DTD1: variants seen among roughly 807,000 people sequenced by gnomAD.
The protein encoded by DTD1 is D-tyrosyl-tRNA deacylase 1 homolog.
Under a neutral mutation model 25.6 loss-of-function variants are expected in DTD1, and 13 were observed. That is an observed-to-expected ratio of 0.51 (90% CI 0.33 to 0.81). DTD1 has a LOEUF of 0.81. Among genes scored for constraint, DTD1 ranks in the 30% least tolerant of loss-of-function variants. The probability of loss-of-function intolerance (pLI) is 0.02; values close to 1 mark genes in which losing one functional copy is unlikely to be tolerated. For synonymous variants in DTD1, 110 were observed against 103.6 expected (o/e 1.06, Z -0.37); for missense variants, 193 against 266.4 (o/e 0.72, Z 1.92).
In DTD1 at chr20:18,596,241, G is replaced by C. The variant is rs2122244830; in HGVS notation, c.370G>C (p.Asp124His). 1 of 1,612,996 alleles carries C rather than the reference G, an allele frequency of 6.2e-7. No homozygotes were observed. Among genetic ancestry groups the C allele is most frequent in the Non-Finnish European group, 8.5e-7 (1 of 1,179,246 alleles). The change falls in exon 3 of 6, where the codon GAT (aspartate) becomes CAT (histidine). Residue 124 changes from aspartate (D) to histidine (H), a missense_variant and splice_region_variant. Physicochemically the swap from Asp to His is moderately conservative, Grantham distance 81. Transcript: ENST00000377452. ...AACATACAGGCCGGAGCTTATCAAA[G>C]GTAAGCAGGAGAGCCACATCCAGGA... Reference protein sequence around the residue: ...RKTYRPELIKDGKFGAYMQVH... With the variant: ...RKTYRPELIKHGKFGAYMQVH...
intron 4 of DTD1, among the ~76,000 whole-genome samples, chr20:18,676,270 G>A (rs943984060): frequency 4.6e-5 from 7 of 152,102 alleles, no homozygotes; most frequent in Non-Finnish European, 1.5e-5. Context: ...CCCTTAACTG[G>A]CAGAGTTTGC....
intron 5 of DTD1, among the ~76,000 whole-genome samples, chr20:18,758,344 G>A (rs1266000666): frequency 5.3e-5 from 8 of 152,096 alleles, no homozygotes; most frequent in Non-Finnish European, 8.8e-5. Flanking sequence ...TGCTTTTCTA[G>A]TTCTTTTAAT....
chr20:18,683,554 G>A (rs2061005317), intron 4 of DTD1, among the ~76,000 whole-genome samples: 1 of 152,192 alleles, frequency 6.6e-6, no homozygotes, highest in Non-Finnish European at 1.5e-5. Flanking sequence ...CTGGCTGGTA[G>A]TCATGAGCTG....
intron 4 of DTD1, among the ~76,000 whole-genome samples, chr20:18,644,818 G>T (rs1413139625): frequency 6.6e-6 from 1 of 152,152 alleles, no homozygotes; most frequent in Non-Finnish European, 1.5e-5. Flanking sequence ...AGGAGGAAAG[G>T]AATCAGGTCA....
At chr20:18,654,547 G>A (rs2060885344) in intron 4 of DTD1, among the ~76,000 whole-genome samples, 1 of 152,196 alleles carries the variant, frequency 6.6e-6, no homozygotes, top group Non-Finnish European at 1.5e-5. Context: ...GCTCAGTTCA[G>A]TGTAGTTGCA....
In DTD1 at chr20:18,740,309, G is replaced by GT. The variant is rs1223474867; in HGVS notation, c.478-3781dup. ...TTGTGACTGTTGATATTCACATTTT[G>GT]TTTTTTTTTTGTTTTGTTTTGTTTT... On this transcript the variant is annotated intron_variant, in intron 4 of 5. Transcript: ENST00000377452. Among the ~76,000 whole-genome samples, 336 of 147,456 alleles carry GT rather than the reference G, an allele frequency of 2.3e-3. 1 individual carries two copies. Among genetic ancestry groups the GT allele is most frequent in the Middle Eastern group, 3.5e-3 (1 of 284 alleles).
intron 4 of DTD1, among the ~76,000 whole-genome samples, chr20:18,666,666 A>G (rs565334980): frequency 1.3e-5 from 2 of 152,138 alleles, no homozygotes; most frequent in African/African-American, 2.4e-5. Context: ...TGATTTCACT[A>G]TCTTCTTGGT....
chr20:18,672,218 A>C (rs1347443830), intron 4 of DTD1, among the ~76,000 whole-genome samples: 2 of 152,216 alleles, frequency 1.3e-5, no homozygotes, highest in African/African-American at 4.8e-5. Context: ...CAAGTGACAA[A>C]GTGAGACCCT....
At chr20:18,725,786 C>T (rs1324890374) in intron 4 of DTD1, among the ~76,000 whole-genome samples, 1 of 152,202 alleles carries the variant, frequency 6.6e-6, no homozygotes, top group African/African-American at 2.4e-5. Context: ...CCAGTGTATC[C>T]TCAGTTTCCT....
intron 3 of DTD1, among the ~76,000 whole-genome samples, chr20:18,618,642 C>T (rs775996755): frequency 1.5e-4 from 22 of 147,654 alleles, no homozygotes; most frequent in Non-Finnish European, 2.8e-4. Context: ...TATAATTATA[C>T]ACATATATGT....
At chr20:18,588,153 CT>C in intron 1 of DTD1, 38 bp downstream of exon 1, 1 of 1,239,082 alleles carries the variant, frequency 8.1e-7, no homozygotes, top group South Asian at 3.4e-5. Flanking sequence ...GGAGCCGCCC[CT>C]GACCCCCGCG....
chr20:18,595,579 A>G (rs1299455843), intron 2 of DTD1, among the ~76,000 whole-genome samples: 1 of 152,150 alleles, frequency 6.6e-6, no homozygotes, highest in African/African-American at 2.4e-5. Context: ...CGAATTGTTC[A>G]TTTTGAGTAG....
intron 4 of DTD1, among the ~76,000 whole-genome samples, chr20:18,650,567 C>T (rs1416272538): frequency 2.0e-5 from 3 of 152,210 alleles, no homozygotes; most frequent in Non-Finnish European, 2.9e-5. Context: ...TTTCCTTTGT[C>T]AGACTTATCT....
intron 4 of DTD1, among the ~76,000 whole-genome samples, chr20:18,651,133 G>A (rs1051062353): frequency 1.3e-5 from 2 of 152,126 alleles, no homozygotes; most frequent in Admixed American, 1.3e-4. Flanking sequence ...TACAACAGCT[G>A]GTTAGTTTTT....
intron 4 of DTD1, among the ~76,000 whole-genome samples, chr20:18,662,955 T>C (rs1402465009): frequency 6.6e-6 from 1 of 152,114 alleles, no homozygotes; most frequent in Non-Finnish European, 1.5e-5. Context: ...GTAGTGGGAA[T>C]GGGGAATGAG....
At chr20:18,638,203 CCATCCATCCATCTATCCATCCACT>C (rs1364805283) in intron 4 of DTD1, among the ~76,000 whole-genome samples, 869 of 77,032 alleles carry the variant, frequency 0.011, 5 homozygotes, top group African/African-American at 0.036. Flanking sequence ...ATCCATCCAT[CCATCCATCCATCTATCCATCCACT>C]CACCTGTCCA....
At chr20:18,697,724 G>A (rs541419206) in intron 4 of DTD1, among the ~76,000 whole-genome samples, 3 of 152,212 alleles carry the variant, frequency 2.0e-5, no homozygotes, top group African/African-American at 4.8e-5. Context: ...TCGCTCTTTC[G>A]CCCAGGCCGG....
At chr20:18,645,508 A>G (rs1447944110) in intron 4 of DTD1, among the ~76,000 whole-genome samples, 2 of 152,170 alleles carry the variant, frequency 1.3e-5, no homozygotes, top group Admixed American at 1.3e-4. Flanking sequence ...ATCTAAAATG[A>G]AGTCTCTGTG....
intron 4 of DTD1, chr20:18,675,343 C>T (rs1248306388): frequency 6.6e-6 from 1 of 152,286 alleles, no homozygotes; most frequent in Non-Finnish European, 1.5e-5. Flanking sequence ...TACCAGGAGG[C>T]AAGAATCACT....
Sources: gnomAD v4.1 joint callset for allele counts (sites outside exome capture counted in the v4.1 genomes callset) on GRCh38, gnomAD v4.1.1 for gene constraint, MANE v1.5 for transcripts, NCBI Gene and HGNC (gene_info 2026-07-23, HGNC 2026-07-21) for gene names.